The following ABLIM2 variants were observed in gnomAD, a reference collection of about 807,000 sequenced individuals.
The protein encoded by ABLIM2 is actin binding LIM protein family member 2.
Under a neutral mutation model 97.7 loss-of-function variants are expected in ABLIM2, and 53 were observed. The ratio of observed to expected loss-of-function variants is 0.54; its 90% CI spans 0.44 to 0.68. ABLIM2 has a LOEUF of 0.68. ABLIM2 is among the 30% of genes least tolerant of loss of function. The pLI, the probability that ABLIM2 is intolerant of heterozygous loss-of-function variation, is 0.00. For missense variants in ABLIM2, 835 were observed against 867.2 expected (o/e 0.96, Z 0.47); for synonymous variants, 361 against 345.8 (o/e 1.04, Z -0.49).
At chr4:8,153,683 G>A (rs749479439) in intron 1 of ABLIM2, among the ~76,000 whole-genome samples, 18 of 150,710 alleles carry the variant, frequency 1.2e-4, no homozygotes, top group African/African-American at 3.0e-4. Context: ...GGCTTCTCCC[G>A]GAGTGATGGG....
In ABLIM2 at chr4:8,132,130, A is replaced by G. The variant is rs186575115; in HGVS notation, c.11-25493T>C. Among the ~76,000 whole-genome samples, 12 of 151,136 alleles carry G rather than the reference A, an allele frequency of 7.9e-5. No individual in the cohort carries two copies. The highest frequency in any genetic ancestry group is 3.0e-4 in the African/African-American group (12 of 40,596). On this transcript the variant is annotated intron_variant, in intron 1 of 20. Transcript: ENST00000447017. The surrounding 1 kb of genome is among the most constrained non-coding windows in gnomAD (Gnocchi z 8.0). ...ACTAGCGGGATGGCTCAAGTGGCACAGGAACGACCTGGTTGGAAAGGAAAC... is the reference window on the plus strand; with the variant it reads ...ACTAGCGGGATGGCTCAAGTGGCACGGGAACGACCTGGTTGGAAAGGAAAC...
intron 1 of ABLIM2, among the ~76,000 whole-genome samples, chr4:8,151,159 C>G (rs947541258): frequency 6.6e-6 from 1 of 152,128 alleles, no homozygotes; most frequent in Non-Finnish European, 1.5e-5. Context: ...GGGGCTGGAG[C>G]CCAGGTGTGC....
chr4:7,975,458 A>T (rs1221225161), intron 20 of ABLIM2, among the ~76,000 whole-genome samples: 2 of 152,124 alleles, frequency 1.3e-5, no homozygotes, highest in Non-Finnish European at 2.9e-5. Flanking sequence ...CTCTAACTGA[A>T]CACCTACTAT....
chr4:8,011,252 G>A (rs1014184298), intron 14 of ABLIM2, among the ~76,000 whole-genome samples: 8 of 152,184 alleles, frequency 5.3e-5, no homozygotes, highest in African/African-American at 1.9e-4. Flanking sequence ...CGCCATCTGA[G>A]AGAGGGATGC....
rs546762362 is a variant in ABLIM2, at chr4:8,068,740, G to A, written c.676-7686C>T. On this transcript the variant is annotated intron_variant, in intron 6 of 20. Coordinates refer to ENST00000447017, the MANE Select transcript of ABLIM2 (RefSeq NM_001130083.2). This position sits in a 1 kb window ranked among gnomAD's most constrained non-coding sequence, Gnocchi z 4.5. ...AGCCGAGGGCCAGGGCTGGGCCTGC[G>A]GGCTGCACCTCCCTGCAGCAGGCAG... 2.2e-4 allele frequency among the ~76,000 whole-genome samples: 33 copies of A among 152,308 alleles called. No individual in the cohort carries two copies. In the East Asian group the frequency reaches 3.1e-3, roughly 14 times the overall value.
intron 14 of ABLIM2, chr4:8,010,578 C>G: frequency 3.0e-6 from 3 of 985,776 alleles, no homozygotes; most frequent in Middle Eastern, 5.2e-4. Context: ...AAATTGAAGA[C>G]TGAGCAGTTC....
chr4:8,090,469 T>G (rs569593323), intron 3 of ABLIM2, among the ~76,000 whole-genome samples: 1 of 152,342 alleles, frequency 6.6e-6, no homozygotes, highest in East Asian at 1.9e-4. Flanking sequence ...GCTGACTCAA[T>G]GGCAGCTATG....
Position 7,966,780 on chromosome 4 carries a change from G to A in ABLIM2, c.*210C>T, listed in dbSNP as rs1264195793. On this transcript the variant is annotated 3_prime_UTR_variant, in exon 21 of 21. Coordinates refer to ENST00000447017, the MANE Select transcript of ABLIM2 (RefSeq NM_001130083.2). ...TGACACCAAGCCACAGCGGGGAAGG[G>A]TGGCGTGAAGCTAGCCGTCTCGGCC... 3.5e-6 allele frequency: 2 copies of A among 563,520 alleles called. No individual in the cohort carries two copies. Among genetic ancestry groups the A allele is most frequent in the Non-Finnish European group, 6.3e-6 (2 of 315,946 alleles). 34.9% of individuals were successfully genotyped at this position (563,520 alleles called of 1,614,324 possible). A position where few individuals can be genotyped will look rare whatever the true frequency, so the allele number is the denominator to read the frequency against.
At chr4:8,074,767 C>T (rs909432629) in intron 6 of ABLIM2, among the ~76,000 whole-genome samples, 3 of 144,868 alleles carry the variant, frequency 2.1e-5, no homozygotes, top group Non-Finnish European at 3.0e-5. Flanking sequence ...AATGATCAGC[C>T]TGGTAATTCT....
chr4:8,069,591 C>CCTGGTGT lies in ABLIM2; in HGVS notation c.675+8030_675+8036dup, dbSNP rs1577104976. ...CGTGTCTGTGTGTCTCTGTGTTTTG[C>CCTGGTGT]CTGGTGTCTGTGTGGATGTCTTTCC... On this transcript the variant is annotated intron_variant, in intron 6 of 20. Transcript: ENST00000447017. This position sits in a 1 kb window ranked among gnomAD's most constrained non-coding sequence, Gnocchi z 4.2. Among the ~76,000 whole-genome samples, 2 of 151,964 alleles carry CCTGGTGT rather than the reference C, an allele frequency of 1.3e-5. No individual in the cohort carries two copies. The highest frequency in any genetic ancestry group is 3.9e-4 in the East Asian group (2 of 5,166).
intron 15 of ABLIM2, 23 bp from the exon 16 acceptor site, chr4:8,008,223 T>C: frequency 6.2e-7 from 1 of 1,608,360 alleles, no homozygotes; most frequent in Non-Finnish European, 8.5e-7. Flanking sequence ...AACAAAGTCA[T>C]GCAAATGTCA....
rs745442280 is a variant in ABLIM2 at position 8,124,931 on chromosome 4, C to A, written c.11-18294G>T. ...CCAGCCATTCTAGCGGATCTGTAAT[C>A]GCGTCTCACTGGGATTCTGATGTGC... On this transcript the variant is annotated intron_variant, in intron 1 of 20. Transcript: ENST00000447017. The surrounding 1 kb of genome is among the most constrained non-coding windows in gnomAD (Gnocchi z 6.1). Among the ~76,000 whole-genome samples, 1 of 152,164 alleles carries A rather than the reference C, an allele frequency of 6.6e-6. No individual in the cohort carries two copies. The highest frequency in any genetic ancestry group is 2.1e-4 in the South Asian group (1 of 4,826).
chr4:8,088,335 T>A, intron 3 of ABLIM2, 51 bp from the exon 4 acceptor site: 3 of 1,444,240 alleles, frequency 2.1e-6, no homozygotes, highest in Non-Finnish European at 2.9e-6. Context: ...GGCTCCTCTC[T>A]GGGGGAGCCC....
rs1850863730 is a variant in ABLIM2, at chr4:8,140,816, AG to A, written c.10+17863del. On this transcript the variant is annotated intron_variant, in intron 1 of 20. Transcript: ENST00000447017. This position sits in a 1 kb window ranked among gnomAD's most constrained non-coding sequence, Gnocchi z 5.9. ...GTGCATTTACCCCAGCTCCTGAGTC[AG>A]GGTGGGGTTCAGGGCAGGGAGGTGG... 6.6e-6 allele frequency among the ~76,000 whole-genome samples: 1 copy of A among 152,190 alleles called. No homozygotes were observed. The highest frequency in any genetic ancestry group is 1.5e-5 in the Non-Finnish European group (1 of 68,024).
intron 1 of ABLIM2, among the ~76,000 whole-genome samples, chr4:8,151,893 CA>C (rs1712970918): frequency 6.6e-6 from 1 of 151,094 alleles, no homozygotes; most frequent in African/African-American, 2.4e-5. Flanking sequence ...GTCAGGGTTC[CA>C]GGGGGGCACA....
Position 8,019,564 on chromosome 4 carries a change from G to A in ABLIM2, c.1423+54C>T. The A allele has an allele frequency of 6.6e-7, 1 of 1,521,326 alleles. No individual in the cohort carries two copies. Among genetic ancestry groups the A allele is most frequent in the Non-Finnish European group, 9.0e-7 (1 of 1,109,392 alleles). 94.2% of individuals were successfully genotyped at this position (1,521,326 alleles called of 1,614,324 possible). A position where few individuals can be genotyped will look rare whatever the true frequency, so the allele number is the denominator to read the frequency against. On this transcript the variant is annotated intron_variant, in intron 14 of 20. Transcript: ENST00000447017. The surrounding 1 kb of genome is among the most constrained non-coding windows in gnomAD (Gnocchi z 4.3). ...AAAAGGATGCATTCAGAAGCAGATG[G>A]GTATTGACAGGCATGCGGGGCAAAC...
chr4:8,110,529 A>C (rs997438743), intron 1 of ABLIM2, among the ~76,000 whole-genome samples: 10 of 152,136 alleles, frequency 6.6e-5, no homozygotes, highest in Admixed American at 1.3e-4. Flanking sequence ...CATGAGCAAT[A>C]ATGTTCCCAT....
At chr4:8,100,694 C>G (rs796866707) in intron 2 of ABLIM2, among the ~76,000 whole-genome samples, 60 of 142,104 alleles carry the variant, frequency 4.2e-4, no homozygotes, top group African/African-American at 1.5e-3. Context: ...TGCGGTGAGC[C>G]AAGATCGCGC....
Position 8,128,389 on chromosome 4 carries a change from C to T in ABLIM2, c.11-21752G>A, listed in dbSNP as rs6822068. ...TCTAGCGAATCAGAGTCCAGCACCCCGTCATAGGATGCGTTGCACCTGCAC... is the reference window on the plus strand; with the variant it reads ...TCTAGCGAATCAGAGTCCAGCACCCTGTCATAGGATGCGTTGCACCTGCAC... On this transcript the variant is annotated intron_variant, in intron 1 of 20. Transcript: ENST00000447017. This position sits in a 1 kb window ranked among gnomAD's most constrained non-coding sequence, Gnocchi z 4.9. 0.26 allele frequency among the ~76,000 whole-genome samples: 39,794 copies of T among 152,222 alleles called. 7,460 individuals carry two copies. The highest frequency in any genetic ancestry group is 0.53 in the African/African-American group (22,193 of 41,510).
Sources: allele counts gnomAD v4.1 joint callset (sites outside exome capture counted in the v4.1 genomes callset), GRCh38; gene constraint gnomAD v4.1.1; non-coding constraint Gnocchi (gnomAD v3.1); transcripts MANE v1.5; gene names NCBI Gene and HGNC (gene_info 2026-07-23, HGNC 2026-07-21).